The following ATXN7L3 variants were observed in gnomAD, a reference collection of about 807,000 sequenced individuals.
The protein encoded by ATXN7L3 is ataxin 7 like 3, also known as ataxin-7-like protein 3.
ATXN7L3 carries 6 observed loss-of-function variants against 50.0 expected under a neutral mutation model. The observed-to-expected ratio is 0.12, with a 90% CI of 0.07 to 0.24. The LOEUF (loss-of-function observed/expected upper bound fraction) is 0.24, where lower values mean the gene tolerates loss of function less well. Ranked by LOEUF, ATXN7L3 falls within the 10% of genes least tolerant of loss-of-function variation. The pLI, the probability that ATXN7L3 is intolerant of heterozygous loss-of-function variation, is 1.00. For synonymous variants in ATXN7L3, 198 were observed against 165.8 expected (o/e 1.19, Z -1.49); for missense variants, 322 against 451.3 (o/e 0.71, Z 2.60).
chr17:44,197,482 C>G, intron 3 of ATXN7L3, 83 bp from the exon 4 acceptor site: 8 of 1,578,272 alleles, frequency 5.1e-6, no homozygotes, highest in Non-Finnish European at 6.9e-6. Flanking sequence ...CCTCTTCAAT[C>G]CCTCCCCCGG....
chr17:44,193,346 G>C lies in ATXN7L3; in HGVS notation c.*917C>G, dbSNP rs545554169. 6.6e-6 allele frequency: 1 copy of C among 152,540 alleles called. No homozygotes were observed. 9.4% of individuals were successfully genotyped at this position (152,540 alleles called of 1,614,324 possible). On this transcript the variant is annotated 3_prime_UTR_variant, in exon 13 of 13. Coordinates refer to ENST00000587097, the MANE Select transcript of ATXN7L3 (RefSeq NM_001382309.1). ...CTGCCCCGGTAGGGCAGTGGGGCAG[G>C]GTGGGCAGGAGGAACACGGGGCCAC...
chr17:44,196,509 GTGGCTCA>G, intron 5 of ATXN7L3, 91 bp from the exon 6 acceptor site: 1 of 1,542,094 alleles, frequency 6.5e-7, no homozygotes, highest in Admixed American at 1.7e-5. Flanking sequence ...GCTGGGCACG[GTGGCTCA>G]TGCCTGTAAT....
At chr17:44,197,803 G>C in intron 2 of ATXN7L3, 73 bp from the exon 3 acceptor site, 2 of 1,596,882 alleles carry the variant, frequency 1.3e-6, no homozygotes, top group Non-Finnish European at 1.7e-6. Context: ...CAAATCTGCT[G>C]CCAACTGGCC....
rs529105554 is a variant in ATXN7L3, at chr17:44,196,386, C to A, written c.477+10G>T. The A allele has an allele frequency of 6.2e-7, 1 of 1,613,854 alleles. No individual in the cohort carries two copies. Among genetic ancestry groups the A allele is most frequent in the South Asian group, 1.1e-5 (1 of 91,074 alleles). On this transcript the variant is annotated intron_variant, in intron 6 of 12. Coordinates refer to ENST00000587097, the MANE Select transcript of ATXN7L3 (RefSeq NM_001382309.1). ...CCCATTATTTCCCCAATGCCTGGCC[C>A]GGCTCTCACCTTGTCTGACTTTCTC... is the stretch of plus-strand genomic sequence containing the variant.
intron 11 of ATXN7L3, 31 bp from the exon 12 acceptor site, chr17:44,194,705 T>G (rs754520195): frequency 1.7e-5 from 28 of 1,613,562 alleles, no homozygotes; most frequent in Non-Finnish European, 2.1e-5. Flanking sequence ...AGAAGGGCTT[T>G]AGAGATAGTG....
chr17:44,195,277 T>C (rs1598195184), intron 9 of ATXN7L3, 137 bp from the exon 10 acceptor site: 2 of 1,337,968 alleles, frequency 1.5e-6, no homozygotes, highest in Non-Finnish European at 2.1e-6. Context: ...CCCAGGACAC[T>C]ATGGGCCGGG....
At chr17:44,198,282 C>G in intron 1 of ATXN7L3, 152 bp from the exon 2 acceptor site, 1 of 559,004 alleles carries the variant, frequency 1.8e-6, no homozygotes, top group Non-Finnish European at 3.1e-6. Context: ...GATGGTCCTT[C>G]AAGGCCTGAA....
chr17:44,197,928 C>G (rs902924425), intron 2 of ATXN7L3, 92 bp downstream of exon 2: 1 of 1,538,164 alleles, frequency 6.5e-7, no homozygotes, highest in African/African-American at 1.4e-5. Flanking sequence ...ACAAGGCTGA[C>G]TACCCAAATT....
intron 4 of ATXN7L3, 66 bp from the exon 5 acceptor site, chr17:44,197,092 C>G: frequency 6.4e-7 from 1 of 1,554,860 alleles, no homozygotes; most frequent in East Asian, 2.2e-5. Context: ...GGTGGTCACC[C>G]CGCTCTGCCC....
chr17:44,196,222 G>GCCCGCCCCC, intron 6 of ATXN7L3, 143 bp from the exon 7 acceptor site: 1 of 925,714 alleles, frequency 1.1e-6, no homozygotes, highest in Non-Finnish European at 1.7e-6. Flanking sequence ...CTACCCATGT[G>GCCCGCCCCC]CCCTCCCCCA....
chr17:44,194,957 T>C (rs1466963879), intron 10 of ATXN7L3, 118 bp from the exon 11 acceptor site: 3 of 1,483,598 alleles, frequency 2.0e-6, no homozygotes, highest in Non-Finnish European at 1.9e-6. Context: ...CATCCCCAGA[T>C]TGTGGCCAAA....
chr17:44,194,240 A>T lies in ATXN7L3; in HGVS notation c.*23T>A. ...TCAGGAGAGAGGGCTCTGCTCAGCCAAAGGCTATCCCTTGCACCCAAGTCA... is the reference window on the plus strand; with the variant it reads ...TCAGGAGAGAGGGCTCTGCTCAGCCTAAGGCTATCCCTTGCACCCAAGTCA... On this transcript the variant is annotated 3_prime_UTR_variant, in exon 13 of 13. Transcript: ENST00000587097. 6.2e-7 allele frequency: 1 copy of T among 1,613,104 alleles called. No homozygotes were observed. Among genetic ancestry groups the T allele is most frequent in the Non-Finnish European group, 8.5e-7 (1 of 1,179,600 alleles).
intron 7 of ATXN7L3, 43 bp from the exon 8 acceptor site, chr17:44,195,871 TACAG>T (rs1457855806): frequency 6.3e-7 from 1 of 1,596,546 alleles, no homozygotes; most frequent in Non-Finnish European, 8.5e-7. Context: ...GATGCAGAGG[TACAG>T]ACAGAGAACC....
chr17:44,197,456 A>C, intron 3 of ATXN7L3, 57 bp from the exon 4 acceptor site: 2 of 1,571,180 alleles, frequency 1.3e-6, no homozygotes. Context: ...TCTTGTTCCC[A>C]CCTGGGGTCC....
intron 12 of ATXN7L3, 31 bp from the exon 13 acceptor site, chr17:44,194,442 T>C: frequency 6.2e-7 from 1 of 1,613,484 alleles, no homozygotes; most frequent in Non-Finnish European, 8.5e-7. Flanking sequence ...GGGATGAGAG[T>C]ATGGTTATGG....
chr17:44,196,904 C>A, intron 5 of ATXN7L3, 25 bp downstream of exon 5: 1 of 1,573,432 alleles, frequency 6.4e-7, no homozygotes, highest in African/African-American at 1.3e-5. Context: ...CAATGCCCCC[C>A]GGGTTTCCCC....
intron 5 of ATXN7L3, among the ~76,000 whole-genome samples, chr17:44,196,672 G>A (rs1419027957): frequency 2.0e-5 from 3 of 150,490 alleles, no homozygotes; most frequent in African/African-American, 4.9e-5. Context: ...CAGCTACTCA[G>A]GAGGCTGACA....
rs1567775210 is a variant in ATXN7L3 at position 44,198,095 on chromosome 17, C to T, written c.-25G>A. On this transcript the variant is annotated 5_prime_UTR_variant, in exon 2 of 13. Transcript: ENST00000587097. ...TTTGTAAACTCTTGTGGAGACGGCG[C>T]TCTGACTGCTCATAGCACAGCGGGC... is the stretch of plus-strand genomic sequence containing the variant. The T allele has an allele frequency of 6.2e-7, 1 of 1,612,342 alleles. No homozygotes were observed. Among genetic ancestry groups the T allele is most frequent in the Non-Finnish European group, 8.5e-7 (1 of 1,178,608 alleles).
chr17:44,196,177 A>C (rs1445674325), intron 6 of ATXN7L3, 98 bp from the exon 7 acceptor site: 1 of 1,429,562 alleles, frequency 7.0e-7, no homozygotes, highest in Non-Finnish European at 9.8e-7. Flanking sequence ...CAGCATCCTC[A>C]AATTCCTACT....
Sources: gnomAD v4.1 joint callset for allele counts (sites outside exome capture counted in the v4.1 genomes callset) on GRCh38, gnomAD v4.1.1 for gene constraint, MANE v1.5 for transcripts, NCBI Gene and HGNC (gene_info 2026-07-23, HGNC 2026-07-21) for gene names.